SGCZ: variants seen among roughly 807,000 people sequenced by gnomAD.
SGCZ encodes the protein zeta-sarcoglycan.
In SGCZ, 40 loss-of-function variants were observed where a neutral mutation model predicts 41.3. The ratio of observed to expected loss-of-function variants is 0.97; its 90% confidence interval spans 0.75 to 1.26. The LOEUF is 1.26. Among genes scored for constraint, SGCZ ranks in the 50% most tolerant of loss-of-function variants. The pLI, the probability that SGCZ is intolerant of heterozygous loss-of-function variation, is 0.00. For missense variants in SGCZ, 552 were observed against 369.8 expected, an observed-to-expected ratio of 1.49 and a Z score of -4.04; for synonymous variants, 206 against 137.5, an observed-to-expected ratio of 1.50 and a Z score of -3.49.
intron 1 of SGCZ, among the ~76,000 whole-genome samples, chr8:15,152,531 G>A (rs1317061731): frequency 1.3e-5 from 2 of 152,150 alleles, no homozygotes; most frequent in East Asian, 3.8e-4. Context: ...CAAAACAGGT[G>A]GAGGCAACTT....
At chr8:14,833,182 A>C (rs937799578) in intron 1 of SGCZ, among the ~76,000 whole-genome samples, 3 of 152,120 alleles carry the variant, frequency 2.0e-5, no homozygotes, top group African/African-American at 7.2e-5. Flanking sequence ...TTGAAATGTG[A>C]ATTAATATGC....
chr8:14,977,880 T>TATAC (rs1801531150), intron 1 of SGCZ, among the ~76,000 whole-genome samples: 1 of 149,532 alleles, frequency 6.7e-6, no homozygotes. Flanking sequence ...AGAACAATTT[T>TATAC]ACACACACAC....
At chr8:14,317,592 C>T (rs1801760993) in intron 3 of SGCZ, among the ~76,000 whole-genome samples, 1 of 151,864 alleles carries the variant, frequency 6.6e-6, no homozygotes, top group South Asian at 2.1e-4. Flanking sequence ...ACAATAAAAA[C>T]ATTAAATGAC....
In SGCZ at chr8:15,127,235, CACACACACACACACACACACAAACAA is replaced by C. The variant is rs1563140025; in HGVS notation, c.39+110324_39+110349del. ...TAAAAAGTAGAAACATCTATAGGCA[CACACACACACACACACACACAAACAA>C]ACACACACACACACACACACACACA... On this transcript the variant is annotated intron_variant, in intron 1 of 7. Coordinates refer to ENST00000382080, the MANE Select transcript of SGCZ (RefSeq NM_139167.4). Among the ~76,000 whole-genome samples, 8 of 16,288 alleles carry C rather than the reference CACACACACACACACACACACAAACAA, an allele frequency of 4.9e-4. No homozygotes were observed. The South Asian group carries it at 0.019, about 39-fold the overall frequency. 10.7% of individuals were successfully genotyped at this position (16,288 alleles called of 152,430 possible). A position where few individuals can be genotyped will look rare whatever the true frequency, so the allele number is the denominator to read the frequency against.
intron 1 of SGCZ, among the ~76,000 whole-genome samples, chr8:15,211,148 A>C (rs1478194702): frequency 6.6e-6 from 1 of 151,684 alleles, no homozygotes; most frequent in Non-Finnish European, 1.5e-5. Context: ...GATATTCTAT[A>C]TGTTGATATC....
intron 1 of SGCZ, among the ~76,000 whole-genome samples, chr8:14,696,206 T>C (rs549200972): frequency 6.6e-6 from 1 of 152,302 alleles, no homozygotes; most frequent in Admixed American, 6.5e-5. Flanking sequence ...AGACATTTAA[T>C]ATGCCTTTAA....
At chr8:14,908,303 G>C (rs1020484829) in intron 1 of SGCZ, among the ~76,000 whole-genome samples, 2 of 152,086 alleles carry the variant, frequency 1.3e-5, no homozygotes, top group African/African-American at 2.4e-5. Context: ...TTGAAAATGA[G>C]GGGAAAAAGT....
At chr8:14,939,962 T>C (rs1427068401) in intron 1 of SGCZ, among the ~76,000 whole-genome samples, 3 of 152,176 alleles carry the variant, frequency 2.0e-5, no homozygotes, top group Non-Finnish European at 4.4e-5. Flanking sequence ...CATTGAAACA[T>C]CTATTTCAAT....
chr8:14,671,164 C>T (rs912046066), intron 1 of SGCZ, among the ~76,000 whole-genome samples: 1 of 152,154 alleles, frequency 6.6e-6, no homozygotes, highest in Non-Finnish European at 1.5e-5. Context: ...ATTTATAGAA[C>T]CCATTTCTTT....
intron 2 of SGCZ, among the ~76,000 whole-genome samples, chr8:14,445,742 G>A (rs1800413289): frequency 1.3e-5 from 2 of 152,142 alleles, no homozygotes; most frequent in Non-Finnish European, 2.9e-5. Flanking sequence ...AGCCTCCCCA[G>A]GTGATGTGGC....
chr8:14,946,909 C>T (rs1800468808), intron 1 of SGCZ, among the ~76,000 whole-genome samples: 1 of 152,022 alleles, frequency 6.6e-6, no homozygotes. Flanking sequence ...CTCCTGACCT[C>T]ATGATCCGCC....
chr8:14,884,979 A>T (rs984542159), intron 1 of SGCZ, among the ~76,000 whole-genome samples: 53 of 152,090 alleles, frequency 3.5e-4, no homozygotes, highest in African/African-American at 1.3e-3. Flanking sequence ...GAAAAAATCG[A>T]CAGCATTCTC....
At chr8:14,466,452 G>C (rs1174281287) in intron 2 of SGCZ, among the ~76,000 whole-genome samples, 1 of 151,818 alleles carries the variant, frequency 6.6e-6, no homozygotes, top group Non-Finnish European at 1.5e-5. Context: ...TGAAGTGAGA[G>C]TCTTTTAGTT....
At chr8:14,131,344 G>C (rs530905271) in intron 5 of SGCZ, among the ~76,000 whole-genome samples, 3 of 152,262 alleles carry the variant, frequency 2.0e-5, no homozygotes, top group South Asian at 2.1e-4. Flanking sequence ...GTAAGCAGTA[G>C]GCCCCCAGAA....
chr8:14,514,104 C>G (rs1228996263), intron 2 of SGCZ, among the ~76,000 whole-genome samples: 1 of 152,056 alleles, frequency 6.6e-6, no homozygotes, highest in African/African-American at 2.4e-5. Context: ...AGAAGATTTT[C>G]TTTTCTTTTT....
At chr8:14,882,065 A>C (rs1215890369) in intron 1 of SGCZ, among the ~76,000 whole-genome samples, 1 of 152,256 alleles carries the variant, frequency 6.6e-6, no homozygotes, top group East Asian at 1.9e-4. Context: ...TCTGGGACGC[A>C]GCAAAAGCAG....
At chr8:15,157,202 T>C (rs912078928) in intron 1 of SGCZ, among the ~76,000 whole-genome samples, 2 of 151,994 alleles carry the variant, frequency 1.3e-5, no homozygotes, top group African/African-American at 4.8e-5. Context: ...TACCCATAAA[T>C]ATTTTTCCCT....
intron 1 of SGCZ, among the ~76,000 whole-genome samples, chr8:14,909,669 T>A (rs1376393957): frequency 1.3e-5 from 2 of 152,122 alleles, no homozygotes; most frequent in African/African-American, 4.8e-5. Flanking sequence ...ATATGGGAAT[T>A]TTAATTATAA....
At chr8:14,873,405 AC>A (rs1376383528) in intron 1 of SGCZ, among the ~76,000 whole-genome samples, 1 of 152,100 alleles carries the variant, frequency 6.6e-6, no homozygotes, top group Non-Finnish European at 1.5e-5. Flanking sequence ...CCTCTGGATA[AC>A]TTTGGAGACT....
Sources: allele counts gnomAD v4.1 joint callset (sites outside exome capture counted in the v4.1 genomes callset), GRCh38; gene constraint gnomAD v4.1.1; transcripts MANE v1.5; gene names NCBI Gene and HGNC (gene_info 2026-07-23, HGNC 2026-07-21).